Variants in CACNA1A observed in about 807,000 individuals in gnomAD.
The protein encoded by CACNA1A is calcium voltage-gated channel subunit alpha1 A, also known as voltage-dependent P/Q-type calcium channel subunit alpha-1A.
CACNA1A carries 57 observed loss-of-function variants against 262.4 expected under a neutral mutation model. The observed-to-expected ratio is 0.22, with a 90% CI of 0.18 to 0.27. CACNA1A has a LOEUF of 0.27. Among genes scored for constraint, CACNA1A ranks in the 10% least tolerant of loss-of-function variants. The probability of loss-of-function intolerance (pLI) is 1.00; values close to 1 mark genes in which losing one functional copy is unlikely to be tolerated. For missense variants in CACNA1A, 2,526 were observed against 3,562.8 expected (o/e 0.71, Z 7.41); for synonymous variants, 1,431 against 1,419.3 (o/e 1.01, Z -0.18).
intron 3 of CACNA1A, among the ~76,000 whole-genome samples, chr19:13,406,466 TATA>T (rs2060006741): frequency 3.0e-4 from 2 of 6,712 alleles, no homozygotes; most frequent in Admixed American, 3.1e-3. Context: ...AAAAAAAAAT[TATA>T]TATATATATA....
chr19:13,298,519 C>A (rs768763904), intron 19 of CACNA1A, 25 bp downstream of exon 19: 11 of 1,523,922 alleles, frequency 7.2e-6, no homozygotes, highest in African/African-American at 1.4e-5. Context: ...CGTCATTCTG[C>A]GGATTCGAGG....
At chr19:13,469,615 ATTT>A (rs745335031) in intron 1 of CACNA1A, among the ~76,000 whole-genome samples, 2 of 133,808 alleles carry the variant, frequency 1.5e-5, no homozygotes, top group African/African-American at 5.6e-5. Flanking sequence ...CGCCTGGCTA[ATTT>A]TTTTTTTTTT....
At chr19:13,504,312 G>A (rs955254849) in intron 1 of CACNA1A, among the ~76,000 whole-genome samples, 3 of 152,142 alleles carry the variant, frequency 2.0e-5, no homozygotes, top group Non-Finnish European at 4.4e-5. Context: ...GCAAAGACCT[G>A]GCACCTGCTT....
At chr19:13,425,997 G>A (rs747314665) in intron 3 of CACNA1A, among the ~76,000 whole-genome samples, 4 of 152,186 alleles carry the variant, frequency 2.6e-5, no homozygotes, top group Non-Finnish European at 4.4e-5. Context: ...GGCTGAGGTT[G>A]TAGTGAACTG....
At chr19:13,327,717 C>T (rs1244894432) in intron 10 of CACNA1A, among the ~76,000 whole-genome samples, 1 of 151,634 alleles carries the variant, frequency 6.6e-6, no homozygotes, top group South Asian at 2.1e-4. Context: ...GGATTACAGG[C>T]TCACGCCACC....
chr19:13,347,079 T>TTTTG (rs2058805074), intron 6 of CACNA1A, among the ~76,000 whole-genome samples: 1 of 149,432 alleles, frequency 6.7e-6, no homozygotes, highest in Non-Finnish European at 1.5e-5. Flanking sequence ...TTTTTTTTTT[T>TTTTG]GAGACAGTTC....
intron 1 of CACNA1A, among the ~76,000 whole-genome samples, chr19:13,465,440 C>T (rs1397410028): frequency 1.3e-5 from 2 of 152,100 alleles, no homozygotes; most frequent in African/African-American, 4.8e-5. Flanking sequence ...CACGATGTTG[C>T]CTTTTGTGTC....
intron 6 of CACNA1A, among the ~76,000 whole-genome samples, chr19:13,341,160 C>T (rs1225352383): frequency 6.6e-6 from 1 of 152,098 alleles, no homozygotes; most frequent in Non-Finnish European, 1.5e-5. Context: ...AGGGAGAAGG[C>T]CATGTGAAAT....
intron 10 of CACNA1A, among the ~76,000 whole-genome samples, chr19:13,320,717 G>A (rs1297513882): frequency 6.6e-6 from 1 of 151,988 alleles, no homozygotes; most frequent in South Asian, 2.1e-4. Flanking sequence ...TTTGTCCCAC[G>A]TTCCCTTTTT....
At chr19:13,233,950 A>G (rs1174045824) in intron 34 of CACNA1A, among the ~76,000 whole-genome samples, 1 of 151,398 alleles carries the variant, frequency 6.6e-6, no homozygotes, top group Non-Finnish European at 1.5e-5. Flanking sequence ...CCTGCCTGGC[A>G]TGCTGTAGGT....
At chr19:13,384,185 C>CT (rs1057425989) in intron 3 of CACNA1A, among the ~76,000 whole-genome samples, 4 of 152,026 alleles carry the variant, frequency 2.6e-5, no homozygotes, top group Admixed American at 1.3e-4. Flanking sequence ...AGGACAGGGG[C>CT]TTTTTTTGTA....
At chr19:13,456,429 T>C (rs763532452) in intron 1 of CACNA1A, among the ~76,000 whole-genome samples, 20 of 152,196 alleles carry the variant, frequency 1.3e-4, no homozygotes, top group Admixed American at 2.6e-4. Flanking sequence ...TCCCAGAACT[T>C]TGGGAGGCCA....
intron 2 of CACNA1A, among the ~76,000 whole-genome samples, chr19:13,453,227 A>G (rs999551145): frequency 2.6e-5 from 4 of 152,216 alleles, no homozygotes; most frequent in Non-Finnish European, 4.4e-5. Flanking sequence ...TTCCTCCTTC[A>G]TTCCTTTTGG....
At chr19:13,473,999 C>T (rs1568683078) in intron 1 of CACNA1A, among the ~76,000 whole-genome samples, 1 of 152,218 alleles carries the variant, frequency 6.6e-6, no homozygotes, top group African/African-American at 2.4e-5. Context: ...TTTTCCATCA[C>T]TGGTTCTGCC....
chr19:13,370,125 G>A (rs1443724366), intron 4 of CACNA1A, among the ~76,000 whole-genome samples: 1 of 151,934 alleles, frequency 6.6e-6, no homozygotes, highest in Non-Finnish European at 1.5e-5. Context: ...TTTTGAGACG[G>A]AGTTTCACTC....
At chr19:13,394,215 GTGGGGTCACTGCTTCGAGT>G (rs1307703064) in intron 3 of CACNA1A, among the ~76,000 whole-genome samples, 8 of 152,150 alleles carry the variant, frequency 5.3e-5, no homozygotes, top group African/African-American at 1.9e-4. Flanking sequence ...GGTCAGAGAG[GTGGGGTCACTGCTTCGAGT>G]TCACACAGCT....
rs758031682 is a variant in CACNA1A at position 13,380,749 on chromosome 19, GTTTATTTATTTA to G, written c.540-8982_540-8971del. ...CATTTATTGGTTTGTTTGTTTGTTT[GTTTATTTATTTA>G]TTTATTTATTTATTTATTTATTTAT... On this transcript the variant is annotated intron_variant, in intron 3 of 46. Coordinates refer to ENST00000360228, the MANE Select transcript of CACNA1A (RefSeq NM_001127222.2). Among the ~76,000 whole-genome samples, 119 of 81,004 alleles carry G rather than the reference GTTTATTTATTTA, an allele frequency of 1.5e-3. 1 individual carries two copies. Among genetic ancestry groups the G allele is most frequent in the South Asian group, 2.8e-3 (8 of 2,818 alleles). The allele number at this position is 81,004 out of a possible 152,430, so 53.1% of individuals were successfully genotyped here.
rs2058491087 is a variant in CACNA1A at position 13,332,904 on chromosome 19, T to G, written c.1220A>C (p.Asp407Ala). Residue 407 changes from aspartate to alanine, a missense_variant, in exon 9 of 47, where the codon GAT becomes GCT. Around this residue, in one of 17 missense-constraint regions of CACNA1A, gnomAD observed 104 missense variants for 127.6 expected, o/e 0.81. Coordinates refer to ENST00000360228, the MANE Select transcript of CACNA1A (RefSeq NM_001127222.2). ...ATGCCTCTGCTCCCCGTCAGTTTCA[T>G]CCTCGGCGAGGATCACCTCTTCTGA... ...SKAEEVILAE[D>A]ETDGEQRHPF... The G allele has an allele frequency of 6.2e-7, 1 of 1,613,028 alleles. No individual in the cohort carries two copies. Among genetic ancestry groups the G allele is most frequent in the Admixed American group, 1.7e-5 (1 of 60,008 alleles).
chr19:13,460,169 G>A (rs994955560), intron 1 of CACNA1A, among the ~76,000 whole-genome samples: 1 of 152,172 alleles, frequency 6.6e-6, no homozygotes, highest in Non-Finnish European at 1.5e-5. Context: ...ACCAGCACCG[G>A]TTAGGAATGC....
Sources: allele counts gnomAD v4.1 joint callset (sites outside exome capture counted in the v4.1 genomes callset), GRCh38; gene constraint gnomAD v4.1.1; regional missense constraint gnomAD v4.1.1; transcripts MANE v1.5; gene names NCBI Gene and HGNC (gene_info 2026-07-23, HGNC 2026-07-21).